CCDC148: variants seen among roughly 807,000 people sequenced by gnomAD.
The protein encoded by CCDC148 is coiled-coil domain containing 148.
Under a neutral mutation model 85.7 loss-of-function variants are expected in CCDC148, and 89 were observed. The ratio of observed to expected loss-of-function variants is 1.04; its 90% confidence interval spans 0.87 to 1.24. The LOEUF is 1.24. CCDC148 is among the 50% of genes most tolerant of loss of function. The probability of loss-of-function intolerance (pLI) is 0.00; values close to 1 mark genes in which losing one functional copy is unlikely to be tolerated. For synonymous variants in CCDC148, 230 were observed against 213.9 expected, an observed-to-expected ratio of 1.08 and a Z score of -0.66; for missense variants, 692 against 671.7, an observed-to-expected ratio of 1.03 and a Z score of -0.33.
chr2:158,259,239 T>C (rs535069427), intron 9 of CCDC148, among the ~76,000 whole-genome samples: 4 of 151,896 alleles, frequency 2.6e-5, no homozygotes, highest in Non-Finnish European at 5.9e-5. Context: ...TGTGCTCCCA[T>C]AACACTGCTT....
At chr2:158,279,756 G>A (rs921202681) in intron 9 of CCDC148, among the ~76,000 whole-genome samples, 29 of 152,066 alleles carry the variant, frequency 1.9e-4, no homozygotes, top group African/African-American at 7.0e-4. Context: ...CCAACGTTCA[G>A]ATTCAGGAAA....
At chr2:158,438,411 T>C (rs1687770497) in intron 1 of CCDC148, among the ~76,000 whole-genome samples, 1 of 152,224 alleles carries the variant, frequency 6.6e-6, no homozygotes, top group Non-Finnish European at 1.5e-5. Flanking sequence ...CTGCAAAAAC[T>C]GGCTAGCCAT....
intron 1 of CCDC148, among the ~76,000 whole-genome samples, chr2:158,389,631 A>G (rs1242969410): frequency 6.6e-6 from 1 of 152,242 alleles, no homozygotes; most frequent in Non-Finnish European, 1.5e-5. Context: ...GCTCTGTAGG[A>G]CCACAACATT....
At chr2:158,239,881 C>A (rs1310294725) in intron 10 of CCDC148, among the ~76,000 whole-genome samples, 1 of 147,244 alleles carries the variant, frequency 6.8e-6, no homozygotes, top group African/African-American at 2.4e-5. Flanking sequence ...ATTAATTTAC[C>A]AATTAGGTTT....
intron 9 of CCDC148, among the ~76,000 whole-genome samples, chr2:158,290,832 A>G (rs1462047475): frequency 6.6e-6 from 1 of 152,192 alleles, no homozygotes. Context: ...TTCACTAAAT[A>G]TTTGTTGGAT....
intron 9 of CCDC148, among the ~76,000 whole-genome samples, chr2:158,261,814 A>T (rs1326241198): frequency 6.6e-6 from 1 of 152,132 alleles, no homozygotes; most frequent in Non-Finnish European, 1.5e-5. Context: ...CCACAATGAG[A>T]TACCATCTCA....
At chr2:158,441,588 A>C (rs1687934696) in intron 1 of CCDC148, among the ~76,000 whole-genome samples, 2 of 152,212 alleles carry the variant, frequency 1.3e-5, no homozygotes, top group South Asian at 4.1e-4. Flanking sequence ...TTTTATTAAA[A>C]GGCCAAATTC....
At chr2:158,341,934 C>CT (rs1173047321) in intron 3 of CCDC148, among the ~76,000 whole-genome samples, 3 of 114,542 alleles carry the variant, frequency 2.6e-5, no homozygotes, top group Admixed American at 8.8e-5. Context: ...CTAACACTAA[C>CT]TTTTTTTTTA....
intron 1 of CCDC148, among the ~76,000 whole-genome samples, chr2:158,390,847 C>A (rs1188261212): frequency 5.9e-5 from 9 of 152,106 alleles, no homozygotes; most frequent in Admixed American, 1.3e-4. Flanking sequence ...AAATAACACT[C>A]CAGCAGTGTA....
At chr2:158,278,166 C>G (rs982398412) in intron 9 of CCDC148, among the ~76,000 whole-genome samples, 2 of 152,118 alleles carry the variant, frequency 1.3e-5, no homozygotes, top group African/African-American at 4.8e-5. Flanking sequence ...CGAATAGGAA[C>G]AGCTCCAGTC....
chr2:158,349,523 T>C (rs1350515358), intron 2 of CCDC148, among the ~76,000 whole-genome samples: 2 of 151,948 alleles, frequency 1.3e-5, no homozygotes, highest in East Asian at 3.8e-4. Context: ...GTTTGGTATC[T>C]TAGCATTCAG....
At chr2:158,444,726 A>G (rs1483092088) in intron 1 of CCDC148, among the ~76,000 whole-genome samples, 1 of 136,496 alleles carries the variant, frequency 7.3e-6, no homozygotes, top group Non-Finnish European at 1.5e-5. Context: ...TTTAGACCGC[A>G]GGGAGCTGAG....
intron 1 of CCDC148, among the ~76,000 whole-genome samples, chr2:158,419,508 T>C (rs916061928): frequency 6.6e-6 from 1 of 152,304 alleles, no homozygotes; most frequent in Non-Finnish European, 1.5e-5. Flanking sequence ...TGCCACTTAC[T>C]AACTATGGCT....
At chr2:158,332,126 T>G (rs1006104916) in intron 7 of CCDC148, among the ~76,000 whole-genome samples, 5 of 152,118 alleles carry the variant, frequency 3.3e-5, no homozygotes, top group African/African-American at 7.2e-5. Flanking sequence ...ATTTGGCATG[T>G]TTTTGCAGTG....
intron 9 of CCDC148, among the ~76,000 whole-genome samples, chr2:158,294,981 T>G (rs1428634530): frequency 6.6e-6 from 1 of 152,162 alleles, no homozygotes; most frequent in Non-Finnish European, 1.5e-5. Context: ...AATAGCCCCC[T>G]GTGGTTTTAA....
At chr2:158,445,065 A>G (rs1197296064) in intron 1 of CCDC148, among the ~76,000 whole-genome samples, 1 of 152,068 alleles carries the variant, frequency 6.6e-6, no homozygotes, top group Non-Finnish European at 1.5e-5. Context: ...TACAGTTCAC[A>G]CTTTTTTTAA....
chr2:158,292,352 C>A (rs965970127), intron 9 of CCDC148, among the ~76,000 whole-genome samples: 1 of 152,154 alleles, frequency 6.6e-6, no homozygotes, highest in African/African-American at 2.4e-5. Context: ...ATATGCTCCA[C>A]TAGGTGGAAA....
chr2:158,208,112 G>A (rs978908162), intron 11 of CCDC148, among the ~76,000 whole-genome samples: 1 of 152,150 alleles, frequency 6.6e-6, no homozygotes, highest in Non-Finnish European at 1.5e-5. Flanking sequence ...CAAGATGAGA[G>A]GATGATAGGG....
chr2:158,398,696 A>G (rs1685638784), intron 1 of CCDC148, among the ~76,000 whole-genome samples: 1 of 152,192 alleles, frequency 6.6e-6, no homozygotes, highest in Non-Finnish European at 1.5e-5. Context: ...TCGACACCAT[A>G]ACAACACAAT....
Sources: gnomAD v4.1 joint callset for allele counts (sites outside exome capture counted in the v4.1 genomes callset) on GRCh38, gnomAD v4.1.1 for gene constraint, MANE v1.5 for transcripts, NCBI Gene and HGNC (gene_info 2026-07-23, HGNC 2026-07-21) for gene names.